NRG2: variants seen among roughly 807,000 people sequenced by gnomAD.
NRG2 encodes the protein neuregulin 2.
Under a neutral mutation model 73.9 loss-of-function variants are expected in NRG2, and 27 were observed. That is an observed-to-expected ratio of 0.37 (90% CI 0.27 to 0.50). The LOEUF is 0.50. Ranked by LOEUF, NRG2 falls within the 20% of genes least tolerant of loss-of-function variation. NRG2 has a pLI of 0.96. For missense variants in NRG2, 1,126 were observed against 1,210.1 expected (o/e 0.93, Z 1.03); for synonymous variants, 532 against 541.0 (o/e 0.98, Z 0.23).
At chr5:140,027,353 A>G (rs1760777217) in intron 1 of NRG2, among the ~76,000 whole-genome samples, 1 of 152,250 alleles carries the variant, frequency 6.6e-6, no homozygotes. Flanking sequence ...ACAAATCTTA[A>G]AGAGCATTAT....
chr5:139,932,410 A>AT (rs572672788), intron 1 of NRG2, among the ~76,000 whole-genome samples: 187 of 146,574 alleles, frequency 1.3e-3, no homozygotes, highest in African/African-American at 3.4e-3. Context: ...TTATTAGTAG[A>AT]TTTTTTTTTT....
intron 1 of NRG2, among the ~76,000 whole-genome samples, chr5:140,006,249 T>C (rs1758890207): frequency 6.6e-6 from 1 of 152,200 alleles, no homozygotes; most frequent in Non-Finnish European, 1.5e-5. Flanking sequence ...TGCAGTATTA[T>C]AAACAAAATG....
chr5:140,002,505 A>G (rs1758566508), intron 1 of NRG2, among the ~76,000 whole-genome samples: 1 of 152,208 alleles, frequency 6.6e-6, no homozygotes, highest in African/African-American at 2.4e-5. Flanking sequence ...AAGTAGAGTG[A>G]ACAATAAATA....
At chr5:139,966,833 C>T (rs1295121144) in intron 1 of NRG2, among the ~76,000 whole-genome samples, 1 of 152,066 alleles carries the variant, frequency 6.6e-6, no homozygotes, top group Non-Finnish European at 1.5e-5. Context: ...AGAAGCTTCC[C>T]TAAGTGCACA....
At chr5:140,025,523 C>T (rs1461266658) in intron 1 of NRG2, among the ~76,000 whole-genome samples, 1 of 152,138 alleles carries the variant, frequency 6.6e-6, no homozygotes, top group Non-Finnish European at 1.5e-5. Flanking sequence ...TAAAAAACAG[C>T]CATATTCTCC....
At chr5:139,895,598 G>A (rs1186303383) in intron 1 of NRG2, among the ~76,000 whole-genome samples, 4 of 152,204 alleles carry the variant, frequency 2.6e-5, no homozygotes, top group Non-Finnish European at 5.9e-5. Flanking sequence ...CTTTGTCCCA[G>A]TCTCCCAATT....
chr5:139,847,929 C>G lies in NRG2; in HGVS notation c.2541G>C (p.Ser847=), dbSNP rs752438448. 476 of 1,491,998 alleles carry G rather than the reference C, an allele frequency of 3.2e-4. 1 individual carries two copies. In the Middle Eastern group the frequency reaches 8.3e-3, roughly 26 times the overall value. The allele number at this position is 1,491,998 out of a possible 1,614,324, so 92.4% of individuals were successfully genotyped here. The change falls in exon 10 of 10, where the codon TCG becomes TCC. Residue 847 remains serine, a synonymous_variant. Transcript: ENST00000361474. ...RGPPPRAKQD[S]APL ...GCGCGGCGGGGCCCTAGAGTGGCGC[C>G]GAGTCCTGCTTGGCCCGCGGGGGCG...
In NRG2 at chr5:139,954,658, C is replaced by T. The variant is rs369964116; in HGVS notation, c.701-67147G>A. Among the ~76,000 whole-genome samples the T allele has an allele frequency of 6.6e-6, 1 of 152,244 alleles. No individual in the cohort carries two copies. The highest frequency in any genetic ancestry group is 2.4e-5 in the African/African-American group (1 of 41,466). On this transcript the variant is annotated intron_variant, in intron 1 of 9. Coordinates refer to ENST00000361474, the MANE Select transcript of NRG2 (RefSeq NM_004883.3). This position sits in a 1 kb window ranked among gnomAD's most constrained non-coding sequence, Gnocchi z 5.0. ...AGCCCTCCACCCCAGCGACTCTCCG[C>T]AGAGGCCCCTGCGCGTATCCCGCCA...
At chr5:139,998,760 C>T (rs1253323067) in intron 1 of NRG2, among the ~76,000 whole-genome samples, 1 of 72 alleles carries the variant, frequency 0.014, no homozygotes, top group Admixed American at 0.25. Flanking sequence ...ACACTATCTA[C>T]CATCCAAGGG....
Position 139,856,823 on chromosome 5 carries a change from A to G in NRG2, c.1190-1045T>C, listed in dbSNP as rs1761837520. 6.6e-6 allele frequency among the ~76,000 whole-genome samples: 1 copy of G among 152,122 alleles called. No individual in the cohort carries two copies. Among genetic ancestry groups the G allele is most frequent in the Admixed American group, 6.6e-5 (1 of 15,264 alleles). On this transcript the variant is annotated intron_variant, in intron 5 of 9. Coordinates refer to ENST00000361474, the MANE Select transcript of NRG2 (RefSeq NM_004883.3). The surrounding 1 kb of genome is among the most constrained non-coding windows in gnomAD (Gnocchi z 4.2). ...ACCTGCACACACAACATATGCACAC[A>G]CACAGAGTTAACCACACACTCCAGC...
At position 139,848,121 on chromosome 5, in the gene NRG2, G is replaced by A. The variant is rs1275076679; in HGVS notation, c.2349C>T (p.Asp783=). 1 of 1,471,320 alleles carries A rather than the reference G, an allele frequency of 6.8e-7. No individual in the cohort carries two copies. 91.1% of individuals were successfully genotyped at this position (1,471,320 alleles called of 1,614,324 possible). A position where few individuals can be genotyped will look rare whatever the true frequency, so the allele number is the denominator to read the frequency against. Residue 783 remains aspartate, a synonymous_variant, in exon 10 of 10, where the codon GAC becomes GAT. Coordinates refer to ENST00000361474, the MANE Select transcript of NRG2 (RefSeq NM_004883.3). ...TCTCGGCCGCCAGCGCCCCGTCCGC[G>A]TCGTCCGCGTCGTCGTCCGACGCCG... ...SASASDDDAD[D]ADGALAAEST...
chr5:139,917,840 C>G (rs1199109879), intron 1 of NRG2, among the ~76,000 whole-genome samples: 1 of 152,008 alleles, frequency 6.6e-6, no homozygotes, highest in Non-Finnish European at 1.5e-5. Context: ...ATCTGTGGGT[C>G]GTCTTTTCAC....
chr5:139,963,248 C>G (rs1428406317), intron 1 of NRG2, among the ~76,000 whole-genome samples: 1 of 152,228 alleles, frequency 6.6e-6, no homozygotes, highest in African/African-American at 2.4e-5. Context: ...ATATTTATAA[C>G]CACCATCCAC....
At chr5:139,883,042 G>C (rs1763634384) in intron 2 of NRG2, among the ~76,000 whole-genome samples, 1 of 152,022 alleles carries the variant, frequency 6.6e-6, no homozygotes. Flanking sequence ...TAAGGGGCAG[G>C]GCTCTGAGGG....
chr5:139,916,853 A>G (rs980085300), intron 1 of NRG2, among the ~76,000 whole-genome samples: 1 of 152,192 alleles, frequency 6.6e-6, no homozygotes, highest in Non-Finnish European at 1.5e-5. Context: ...TAATACTTCT[A>G]TGAACATTTG....
chr5:139,917,602 CT>C (rs1751354604), intron 1 of NRG2, among the ~76,000 whole-genome samples: 1 of 152,060 alleles, frequency 6.6e-6, no homozygotes, highest in African/African-American at 2.4e-5. Context: ...TGTTGAGCAT[CT>C]TTTTTTGTAC....
At chr5:139,943,840 T>A (rs1753590011) in intron 1 of NRG2, among the ~76,000 whole-genome samples, 1 of 152,062 alleles carries the variant, frequency 6.6e-6, no homozygotes, top group African/African-American at 2.4e-5. Context: ...GTGAGGGGAG[T>A]GTCATATACA....
chr5:139,980,689 T>G (rs1334834645), intron 1 of NRG2, among the ~76,000 whole-genome samples: 1 of 152,198 alleles, frequency 6.6e-6, no homozygotes, highest in Non-Finnish European at 1.5e-5. Context: ...TCAGACAGAA[T>G]GGGCTCCACC....
intron 1 of NRG2, among the ~76,000 whole-genome samples, chr5:139,978,832 A>G (rs1166513511): frequency 6.6e-6 from 1 of 151,962 alleles, no homozygotes; most frequent in African/African-American, 2.4e-5. Flanking sequence ...CTTGGAACCA[A>G]CCCAAATGTC....
Sources: gnomAD v4.1 joint callset for allele counts (sites outside exome capture counted in the v4.1 genomes callset) on GRCh38, gnomAD v4.1.1 for gene constraint, Gnocchi (gnomAD v3.1) non-coding constraint, MANE v1.5 for transcripts, NCBI Gene and HGNC (gene_info 2026-07-23, HGNC 2026-07-21) for gene names.